STXBP5L: variants seen among roughly 807,000 people sequenced by gnomAD.
STXBP5L encodes syntaxin binding protein 5L.
Under a neutral mutation model 144.5 loss-of-function variants are expected in STXBP5L, and 65 were observed. The observed-to-expected ratio is 0.45, with a 90% confidence interval of 0.37 to 0.55. The LOEUF is 0.55. Among genes scored for constraint, STXBP5L ranks in the 20% least tolerant of loss-of-function variants. STXBP5L has a pLI of 0.00. For synonymous variants in STXBP5L, 505 were observed against 469.6 expected (o/e 1.08, Z -0.97); for missense variants, 1,298 against 1,405.5 (o/e 0.92, Z 1.22).
At chr3:121,311,765 G>A (rs1175953060) in intron 19 of STXBP5L, among the ~76,000 whole-genome samples, 2 of 152,270 alleles carry the variant, frequency 1.3e-5, no homozygotes, top group Non-Finnish European at 1.5e-5. Flanking sequence ...TGGCCATATT[G>A]CCCAAGGTAA....
intron 10 of STXBP5L, among the ~76,000 whole-genome samples, chr3:121,222,137 T>C (rs1428017615): frequency 2.0e-5 from 3 of 152,064 alleles, no homozygotes; most frequent in Non-Finnish European, 4.4e-5. Flanking sequence ...AATTTGGTAT[T>C]TACTTCTTAC....
chr3:121,095,116 C>G (rs923294275), intron 5 of STXBP5L, among the ~76,000 whole-genome samples: 2 of 152,086 alleles, frequency 1.3e-5, no homozygotes, highest in East Asian at 1.9e-4. Flanking sequence ...ATATTGGCCC[C>G]CAGTGTCTTC....
chr3:121,286,525 T>C (rs1210230874), intron 19 of STXBP5L, among the ~76,000 whole-genome samples: 5 of 152,048 alleles, frequency 3.3e-5, no homozygotes, highest in Admixed American at 6.6e-5. Context: ...TAACAGGTAA[T>C]ATACAGATAA....
chr3:120,913,069 T>C (rs1214281677), intron 2 of STXBP5L, among the ~76,000 whole-genome samples: 2 of 151,834 alleles, frequency 1.3e-5, no homozygotes, highest in Non-Finnish European at 2.9e-5. Flanking sequence ...ACCAGGGTTC[T>C]TTTTTTTCTT....
chr3:121,050,082 G>A (rs998134245), intron 5 of STXBP5L, among the ~76,000 whole-genome samples: 1 of 152,088 alleles, frequency 6.6e-6, no homozygotes, highest in Non-Finnish European at 1.5e-5. Flanking sequence ...GCTCTTCTCT[G>A]TTCACTGTGG....
At chr3:121,124,866 A>G (rs2044631954) in intron 7 of STXBP5L, among the ~76,000 whole-genome samples, 1 of 152,108 alleles carries the variant, frequency 6.6e-6, no homozygotes, top group African/African-American at 2.4e-5. Flanking sequence ...CCACGATTTC[A>G]GCATTAAGTA....
At chr3:121,411,406 TAGAATC>T (rs1412140976) in intron 23 of STXBP5L, among the ~76,000 whole-genome samples, 1 of 152,142 alleles carries the variant, frequency 6.6e-6, no homozygotes, top group Admixed American at 6.6e-5. Context: ...TGTGCACACT[TAGAATC>T]AGTATAATGG....
At chr3:121,053,028 C>G (rs1208162417) in intron 5 of STXBP5L, among the ~76,000 whole-genome samples, 1 of 152,164 alleles carries the variant, frequency 6.6e-6, no homozygotes, top group Non-Finnish European at 1.5e-5. Flanking sequence ...ACCTTGGAAT[C>G]CACCTTACAG....
At chr3:121,093,960 T>C (rs1457217361) in intron 5 of STXBP5L, among the ~76,000 whole-genome samples, 1 of 152,224 alleles carries the variant, frequency 6.6e-6, no homozygotes, top group Non-Finnish European at 1.5e-5. Flanking sequence ...CCGGAGATTC[T>C]GGTACGTTGT....
At chr3:121,404,493 A>T (rs1475181000) in intron 22 of STXBP5L, among the ~76,000 whole-genome samples, 1 of 152,082 alleles carries the variant, frequency 6.6e-6, no homozygotes, top group East Asian at 1.9e-4. Context: ...CATCACTTCC[A>T]TTCTCAAAAT....
intron 20 of STXBP5L, among the ~76,000 whole-genome samples, chr3:121,336,456 C>T (rs1414558338): frequency 6.6e-6 from 1 of 152,062 alleles, no homozygotes; most frequent in Non-Finnish European, 1.5e-5. Context: ...AAGATTGTGC[C>T]ACTGCACCCC....
At chr3:121,168,833 AC>A (rs1272769175) in intron 9 of STXBP5L, among the ~76,000 whole-genome samples, 5 of 152,266 alleles carry the variant, frequency 3.3e-5, no homozygotes, top group African/African-American at 1.2e-4. Flanking sequence ...TTCAGGAAAT[AC>A]AGCGAACACC....
intron 19 of STXBP5L, among the ~76,000 whole-genome samples, chr3:121,298,153 T>G (rs770362634): frequency 6.6e-6 from 1 of 152,232 alleles, no homozygotes; most frequent in African/African-American, 2.4e-5. Flanking sequence ...TTATTTTCTG[T>G]TTTTGTTTGT....
intron 11 of STXBP5L, among the ~76,000 whole-genome samples, chr3:121,232,277 T>C (rs541272406): frequency 6.6e-6 from 1 of 152,120 alleles, no homozygotes; most frequent in Non-Finnish European, 1.5e-5. Flanking sequence ...CTTCTTTCAA[T>C]CAAAGTTGAA....
chr3:120,977,490 G>C (rs989381653), intron 3 of STXBP5L, among the ~76,000 whole-genome samples: 46 of 152,220 alleles, frequency 3.0e-4, no homozygotes, highest in African/African-American at 9.9e-4. Flanking sequence ...GGTCTTGACT[G>C]TTTATCCAAT....
chr3:120,965,510 A>T (rs1939454959), intron 3 of STXBP5L, among the ~76,000 whole-genome samples: 1 of 152,142 alleles, frequency 6.6e-6, no homozygotes, highest in Admixed American at 6.6e-5. Flanking sequence ...GTCTGTAAAG[A>T]ATTTTAATTC....
intron 9 of STXBP5L, among the ~76,000 whole-genome samples, chr3:121,182,808 G>A (rs1304212576): frequency 2.0e-5 from 3 of 152,200 alleles, no homozygotes; most frequent in East Asian, 1.9e-4. Flanking sequence ...AGAAATGAAA[G>A]GAGAGATATT....
At chr3:121,329,473 G>A (rs1229348384) in intron 20 of STXBP5L, among the ~76,000 whole-genome samples, 2 of 152,150 alleles carry the variant, frequency 1.3e-5, no homozygotes, top group African/African-American at 4.8e-5. Context: ...TTGAATAGGA[G>A]GAAATTCTGT....
rs373613560 is a variant in STXBP5L, at chr3:120,973,687, T to C, written c.287+18650T>C. Among the ~76,000 whole-genome samples the C allele has an allele frequency of 8.6e-5, 13 of 151,334 alleles. No individual in the cohort carries two copies. The East Asian group carries it at 1.4e-3, about 16-fold the overall frequency. ...TAGGTAAATCTCCTAATGCTATCCC[T>C]CCCCCATCCCCCCACCCCACAACAG... On this transcript the variant is annotated intron_variant, in intron 3 of 26. Coordinates refer to ENST00000471454, the MANE Select transcript of STXBP5L (RefSeq NM_001308330.2).
Sources: gnomAD v4.1 joint callset for allele counts (sites outside exome capture counted in the v4.1 genomes callset) on GRCh38, gnomAD v4.1.1 for gene constraint, MANE v1.5 for transcripts, NCBI Gene and HGNC (gene_info 2026-07-23, HGNC 2026-07-21) for gene names.